Variants in LYPD6 observed in about 807,000 individuals in gnomAD.
LYPD6 encodes the protein ly6/PLAUR domain-containing protein 6.
In LYPD6, 15 loss-of-function variants were observed where a neutral mutation model predicts 22.7. The ratio of observed to expected loss-of-function variants is 0.66; its 90% CI spans 0.44 to 1.02. The LOEUF is 1.02. LYPD6 is among the 50% of genes least tolerant of loss of function. LYPD6 has a pLI of 0.00. For missense variants in LYPD6, 189 were observed against 208.4 expected, an observed-to-expected ratio of 0.91 and a Z score of 0.57; for synonymous variants, 72 against 77.5, an observed-to-expected ratio of 0.93 and a Z score of 0.37.
At chr2:149,467,626 T>G (rs1171646916) in intron 3 of LYPD6, among the ~76,000 whole-genome samples, 1 of 152,036 alleles carries the variant, frequency 6.6e-6, no homozygotes, top group Non-Finnish European at 1.5e-5. Flanking sequence ...TCATAGAAGG[T>G]CATAATTCCA....
At chr2:149,358,030 C>T (rs1681480293) in intron 1 of LYPD6, among the ~76,000 whole-genome samples, 1 of 152,136 alleles carries the variant, frequency 6.6e-6, no homozygotes, top group South Asian at 2.1e-4. Flanking sequence ...AGGTGATCCG[C>T]CCGCTTCGGC....
intron 3 of LYPD6, among the ~76,000 whole-genome samples, chr2:149,459,816 C>T (rs188707255): frequency 2.0e-5 from 3 of 151,572 alleles, no homozygotes; most frequent in Admixed American, 6.6e-5. Flanking sequence ...GCAGGAGAAT[C>T]GCTTGAATCT....
intron 1 of LYPD6, among the ~76,000 whole-genome samples, chr2:149,409,659 C>T (rs1287676937): frequency 6.6e-6 from 1 of 151,988 alleles, no homozygotes; most frequent in African/African-American, 2.4e-5. Context: ...GTTCCCAGTC[C>T]AGTGGAGTTA....
intron 1 of LYPD6, among the ~76,000 whole-genome samples, chr2:149,377,070 A>G (rs1324392508): frequency 6.6e-6 from 1 of 152,216 alleles, no homozygotes; most frequent in African/African-American, 2.4e-5. Context: ...CCACTGTCTT[A>G]ACCAGGGTCT....
At chr2:149,362,651 T>C (rs1009745019) in intron 1 of LYPD6, among the ~76,000 whole-genome samples, 2 of 152,032 alleles carry the variant, frequency 1.3e-5, no homozygotes, top group Admixed American at 1.3e-4. Context: ...GCTGGGGGCC[T>C]TTTTGCTACA....
downstream of LYPD6, among the ~76,000 whole-genome samples, chr2:149,476,367 A>G (rs1485452844): frequency 6.6e-6 from 1 of 152,190 alleles, no homozygotes; most frequent in Non-Finnish European, 1.5e-5. Context: ...TTTCAGAGTC[A>G]TGGCCTAAAA....
At chr2:149,484,108 C>G in the LYPD6 span, among the ~76,000 whole-genome samples, 1 of 152,218 alleles carries the variant, frequency 6.6e-6, no homozygotes, top group East Asian at 1.9e-4. Flanking sequence ...ATGGGTTGCT[C>G]TCTTTCAACT....
intron 1 of LYPD6, among the ~76,000 whole-genome samples, chr2:149,339,233 C>G (rs1023394177): frequency 1.3e-5 from 2 of 152,210 alleles, no homozygotes; most frequent in Admixed American, 6.5e-5. Flanking sequence ...AGGGCAGGAA[C>G]TCCTGCTTGC....
At chr2:149,464,331 C>T (rs1681155624) in intron 3 of LYPD6, 1 of 285,492 alleles carries the variant, frequency 3.5e-6, no homozygotes, top group Non-Finnish European at 7.2e-6. Flanking sequence ...TATCAGGTGT[C>T]CAGGAGTAGA....
At chr2:149,419,079 G>A (rs34881023) in intron 1 of LYPD6, among the ~76,000 whole-genome samples, 1,958 of 152,254 alleles carry the variant, frequency 0.013, 21 homozygotes, top group Non-Finnish European at 0.02. Context: ...GGTAATTGAC[G>A]GAGTCAAATG....
At chr2:149,465,745 CTG>C (rs1410050825) in intron 3 of LYPD6, among the ~76,000 whole-genome samples, 5 of 152,190 alleles carry the variant, frequency 3.3e-5, no homozygotes, top group Non-Finnish European at 7.3e-5. Context: ...ATTATGAACT[CTG>C]TGTGCATGCG....
intron 1 of LYPD6, among the ~76,000 whole-genome samples, chr2:149,423,207 C>A (rs1683118081): frequency 6.6e-6 from 1 of 152,150 alleles, no homozygotes; most frequent in Non-Finnish European, 1.5e-5. Context: ...CTTCCTCTTT[C>A]ATCAGCACTG....
At chr2:149,456,926 A>G (rs1473685219) in intron 3 of LYPD6, among the ~76,000 whole-genome samples, 4 of 152,288 alleles carry the variant, frequency 2.6e-5, no homozygotes, top group Non-Finnish European at 5.9e-5. Context: ...CTTTCACTCA[A>G]TATTATGTGA....
chr2:149,406,495 C>G lies in LYPD6; in HGVS notation c.-71-31143C>G, dbSNP rs573023873. 7.3e-3 allele frequency among the ~76,000 whole-genome samples: 1,107 copies of G among 152,174 alleles called. 10 individuals are homozygous for G. The highest frequency in any genetic ancestry group is 0.025 in the African/African-American group (1,029 of 41,484). On this transcript the variant is annotated intron_variant, in intron 1 of 4. Coordinates refer to ENST00000334166, the MANE Select transcript of LYPD6 (RefSeq NM_194317.5). Reference sequence around the variant, plus strand: ...CCCTTTACCATTATGTAATGGCCTCCTTTGTCTCTTTTGATCTTTGTTGGT... The same window carrying G: ...CCCTTTACCATTATGTAATGGCCTCGTTTGTCTCTTTTGATCTTTGTTGGT...
intron 2 of LYPD6, among the ~76,000 whole-genome samples, chr2:149,445,655 A>G (rs1683671424): frequency 6.6e-6 from 1 of 152,216 alleles, no homozygotes; most frequent in South Asian, 2.1e-4. Context: ...TTTCTTCTGC[A>G]GCTTCATGTC....
At chr2:149,418,232 C>T (rs1412554923) in intron 1 of LYPD6, among the ~76,000 whole-genome samples, 1 of 152,164 alleles carries the variant, frequency 6.6e-6, no homozygotes, top group African/African-American at 2.4e-5. Context: ...TATGGAAATT[C>T]CTTTGTGACA....
At chr2:149,455,185 G>A (rs1680927655) in intron 3 of LYPD6, among the ~76,000 whole-genome samples, 1 of 147,904 alleles carries the variant, frequency 6.8e-6, no homozygotes, top group Non-Finnish European at 1.5e-5. Context: ...ATTTTATTCT[G>A]TTTCTTGGTA....
At chr2:149,452,424 G>A (rs1558813003) in intron 3 of LYPD6, among the ~76,000 whole-genome samples, 1 of 152,136 alleles carries the variant, frequency 6.6e-6, no homozygotes, top group Non-Finnish European at 1.5e-5. Flanking sequence ...AATAGAAAAT[G>A]TATTTCACTA....
At chr2:149,374,535 A>G (rs1483263962) in intron 1 of LYPD6, among the ~76,000 whole-genome samples, 1 of 152,212 alleles carries the variant, frequency 6.6e-6, no homozygotes, top group African/African-American at 2.4e-5. Context: ...ATTGTGTTGA[A>G]TAAAGTTACA....
Sources: allele counts gnomAD v4.1 joint callset (sites outside exome capture counted in the v4.1 genomes callset), GRCh38; gene constraint gnomAD v4.1.1; transcripts MANE v1.5; gene names NCBI Gene and HGNC (gene_info 2026-07-23, HGNC 2026-07-21).